Variants in FMN1 observed in about 807,000 individuals in gnomAD.
FMN1 encodes formin-1.
Under a neutral mutation model 132.4 loss-of-function variants are expected in FMN1, and 110 were observed. That is an observed-to-expected ratio of 0.83 (90% CI 0.71 to 0.97). The LOEUF (loss-of-function observed/expected upper bound fraction) is 0.97, where lower values mean the gene tolerates loss of function less well. Among genes scored for constraint, FMN1 ranks in the 50% least tolerant of loss-of-function variants. FMN1 has a pLI of 0.00. For missense variants in FMN1, 1,792 were observed against 1,705.3 expected, an observed-to-expected ratio of 1.05 and a Z score of -0.90; for synonymous variants, 722 against 651.7, an observed-to-expected ratio of 1.11 and a Z score of -1.64.
intron 16 of FMN1, among the ~76,000 whole-genome samples, chr15:32,868,249 T>C (rs1220405290): frequency 2.0e-5 from 3 of 152,234 alleles, no homozygotes; most frequent in African/African-American, 4.8e-5. Context: ...GATACACAAA[T>C]GCTTACCATT....
chr15:32,903,501 G>C (rs1249145063), intron 12 of FMN1, among the ~76,000 whole-genome samples: 1 of 152,130 alleles, frequency 6.6e-6, no homozygotes, highest in East Asian at 1.9e-4. Flanking sequence ...CAGATGCTGA[G>C]CTATTCTGAA....
intron 19 of FMN1, among the ~76,000 whole-genome samples, chr15:32,785,218 A>ATTTTTTTTTTTTTTTTT (rs1230723314): frequency 5.1e-5 from 2 of 39,208 alleles, no homozygotes; most frequent in African/African-American, 1.2e-4. Flanking sequence ...ATATATATAT[A>ATTTTTTTTTTTTTTTTT]TTTTTTTTTT....
chr15:33,125,065 TGAG>T (rs1269181736), intron 4 of FMN1, among the ~76,000 whole-genome samples: 2 of 152,218 alleles, frequency 1.3e-5, no homozygotes, highest in Non-Finnish European at 2.9e-5. Context: ...TTAAAGCGAC[TGAG>T]TTTTTCCACC....
Position 33,153,110 on chromosome 15 carries a change from GTT to G in FMN1, c.1803_1804del (p.Glu601AspfsTer14). 6.5e-7 allele frequency: 1 copy of G among 1,536,030 alleles called. No individual in the cohort carries two copies. The highest frequency in any genetic ancestry group is 8.7e-7 in the Non-Finnish European group (1 of 1,146,876). On this transcript the variant is annotated frameshift_variant, in exon 4 of 21. Transcript: ENST00000616417. LOFTEE classifies it high-confidence loss of function. ...CCCTGGCCCCAAGCTCTTTTCCAAA[GTT>G]TCCCCAGGCACCAACCGAGGTTGGC...
chr15:32,903,321 A>G (rs2060341361), intron 12 of FMN1, among the ~76,000 whole-genome samples: 1 of 152,254 alleles, frequency 6.6e-6, no homozygotes, highest in African/African-American at 2.4e-5. Flanking sequence ...GACAAGATGA[A>G]AAAGTTAAAC....
At chr15:33,115,050 A>G (rs961255907) in intron 4 of FMN1, among the ~76,000 whole-genome samples, 2 of 152,182 alleles carry the variant, frequency 1.3e-5, no homozygotes, top group Non-Finnish European at 2.9e-5. Context: ...TCATCTATCA[A>G]TCAGTCAAAA....
Position 33,012,528 on chromosome 15 carries a change from T to C in FMN1, c.2162-4453A>G, listed in dbSNP as rs1376987026. ...AAATGGAAGTGATTGAAATCATGAC[T>C]GACCGAGGCAGTGGCAAGAAAAGGG... On this transcript the variant is annotated intron_variant, in intron 6 of 20. Transcript: ENST00000616417. 4 of 1,518,318 alleles carry C rather than the reference T, an allele frequency of 2.6e-6. No individual in the cohort carries two copies. In the East Asian group the frequency reaches 9.0e-5, roughly 34 times the overall value. 94.1% of individuals were successfully genotyped at this position (1,518,318 alleles called of 1,614,324 possible).
At chr15:33,139,499 GA>G (rs1566947700) in intron 4 of FMN1, among the ~76,000 whole-genome samples, 1 of 152,206 alleles carries the variant, frequency 6.6e-6, no homozygotes, top group African/African-American at 2.4e-5. Flanking sequence ...GCTGAGGCAG[GA>G]GAATCACTTG....
At chr15:33,170,905 A>G (rs1028019692) in intron 3 of FMN1, among the ~76,000 whole-genome samples, 4 of 152,206 alleles carry the variant, frequency 2.6e-5, no homozygotes, top group African/African-American at 7.2e-5. Flanking sequence ...GGAAACCAAT[A>G]TAAAGAAAAT....
chr15:32,998,819 T>C (rs562708530), intron 7 of FMN1, among the ~76,000 whole-genome samples: 9 of 152,340 alleles, frequency 5.9e-5, no homozygotes, highest in East Asian at 3.9e-4. Flanking sequence ...AAAACCATCA[T>C]TGGCCCCCAT....
intron 20 of FMN1, among the ~76,000 whole-genome samples, chr15:32,776,286 C>G (rs532157249): frequency 3.3e-5 from 5 of 152,188 alleles, no homozygotes; most frequent in Non-Finnish European, 7.3e-5. Flanking sequence ...GAAAACTGGA[C>G]TTTGGAGGAC....
At position 33,015,007 on chromosome 15, in the gene FMN1, T is replaced by C. The variant is rs374311485; in HGVS notation, c.2162-6932A>G. 4.5e-4 allele frequency among the ~76,000 whole-genome samples: 69 copies of C among 152,338 alleles called. No homozygotes were observed. The South Asian group carries it at 8.7e-3, about 19-fold the overall frequency. On this transcript the variant is annotated intron_variant, in intron 6 of 20. Coordinates refer to ENST00000616417, the MANE Select transcript of FMN1 (RefSeq NM_001277313.2). ...CCATCCTCACATCAAATTGAAAAGGTAGACCCTATCATATCGAGACTTACT... is the reference window on the plus strand; with the variant it reads ...CCATCCTCACATCAAATTGAAAAGGCAGACCCTATCATATCGAGACTTACT...
intron 19 of FMN1, among the ~76,000 whole-genome samples, chr15:32,792,926 T>C (rs1424553963): frequency 6.6e-6 from 1 of 152,188 alleles, no homozygotes; most frequent in Admixed American, 6.5e-5. Context: ...TTGTTATACA[T>C]GAGGAAAATT....
At chr15:33,165,038 T>C (rs927434179) in intron 3 of FMN1, among the ~76,000 whole-genome samples, 10 of 152,194 alleles carry the variant, frequency 6.6e-5, no homozygotes, top group African/African-American at 2.4e-4. Flanking sequence ...ATGAATTCTA[T>C]CTAACTATGT....
chr15:32,882,314 CA>C (rs1263312108), intron 16 of FMN1, among the ~76,000 whole-genome samples: 2 of 152,192 alleles, frequency 1.3e-5, no homozygotes, highest in Non-Finnish European at 2.9e-5. Flanking sequence ...CCAGTAGTAG[CA>C]AAGTAACTTC....
intron 7 of FMN1, 76 bp from the exon 8 acceptor site, chr15:32,969,553 A>T (rs1390612730): frequency 6.7e-7 from 1 of 1,485,484 alleles, no homozygotes; most frequent in African/African-American, 1.4e-5. Flanking sequence ...ACTCAATAAT[A>T]CCATCATGGT....
chr15:33,150,659 A>T (rs1225097957), intron 4 of FMN1: 1 of 985,382 alleles, frequency 1.0e-6, no homozygotes, highest in Non-Finnish European at 1.2e-6. Flanking sequence ...CTTGCCTCTA[A>T]CATTGAAGAG....
intron 16 of FMN1, among the ~76,000 whole-genome samples, chr15:32,874,830 T>G (rs2059600828): frequency 8.6e-6 from 1 of 116,340 alleles, no homozygotes; most frequent in African/African-American, 3.5e-5. Flanking sequence ...AAGATCTGTC[T>G]CGTATTCTGT....
chr15:33,066,138 C>T (rs980365766), intron 5 of FMN1, among the ~76,000 whole-genome samples: 6 of 152,152 alleles, frequency 3.9e-5, no homozygotes, highest in South Asian at 2.1e-4. Flanking sequence ...AGACTTTCTG[C>T]GGAGGTATAA....
Sources: allele counts gnomAD v4.1 joint callset (sites outside exome capture counted in the v4.1 genomes callset), GRCh38; gene constraint gnomAD v4.1.1; transcripts MANE v1.5; gene names NCBI Gene and HGNC (gene_info 2026-07-23, HGNC 2026-07-21).